Variants in DENND2A observed in about 807,000 individuals in gnomAD.
DENND2A encodes DENN domain containing 2A, also known as DENN domain-containing protein 2A.
Under a neutral mutation model 105.3 loss-of-function variants are expected in DENND2A, and 53 were observed. That is an observed-to-expected ratio of 0.50 (90% CI 0.40 to 0.63). The LOEUF (loss-of-function observed/expected upper bound fraction) is 0.63. Among genes scored for constraint, DENND2A ranks in the 30% least tolerant of loss-of-function variants. The pLI, the probability that DENND2A is intolerant of heterozygous loss-of-function variation, is 0.00. For synonymous variants in DENND2A, 522 were observed against 508.4 expected (o/e 1.03, Z -0.36); for missense variants, 1,138 against 1,279.6 (o/e 0.89, Z 1.69).
At chr7:140,595,209 G>A (rs1245905107) in intron 3 of DENND2A, among the ~76,000 whole-genome samples, 3 of 151,326 alleles carry the variant, frequency 2.0e-5, no homozygotes, top group African/African-American at 7.3e-5. Flanking sequence ...GTTTCCCCAT[G>A]TTAGCCAGGC....
At chr7:140,625,901 T>G (rs1018197620) in intron 1 of DENND2A, among the ~76,000 whole-genome samples, 1 of 152,204 alleles carries the variant, frequency 6.6e-6, no homozygotes, top group Non-Finnish European at 1.5e-5. Context: ...TTTTGACACC[T>G]CAAATTAAGC....
At chr7:140,578,702 G>A (rs1798408795) in intron 5 of DENND2A, among the ~76,000 whole-genome samples, 3 of 151,948 alleles carry the variant, frequency 2.0e-5, no homozygotes, top group Non-Finnish European at 4.4e-5. Context: ...CCAACACGGC[G>A]AAACCCCGTC....
At chr7:140,594,687 G>A (rs74558397) in intron 3 of DENND2A, among the ~76,000 whole-genome samples, 306 of 152,260 alleles carry the variant, frequency 2.0e-3, no homozygotes, top group East Asian at 0.011. Context: ...CGATAGGTGC[G>A]TGGTAAATAT....
upstream of DENND2A, chr7:140,640,821 G>A (rs1008420053): frequency 2.5e-4 from 38 of 151,646 alleles, no homozygotes; most frequent in Non-Finnish European, 5.3e-4. This position sits in a 1 kb window ranked among gnomAD's most constrained non-coding sequence, Gnocchi z 4.9. Flanking sequence ...TGCGCGACGC[G>A]CGCCCCCTCC....
chr7:140,581,277 A>T (rs1798530547), intron 5 of DENND2A, among the ~76,000 whole-genome samples: 3 of 152,120 alleles, frequency 2.0e-5, no homozygotes, highest in Non-Finnish European at 4.4e-5. Flanking sequence ...AGAAAAGAAA[A>T]GAAACGGTGG....
chr7:140,633,644 CTT>C (rs1800815902), intron 1 of DENND2A, among the ~76,000 whole-genome samples: 1 of 152,154 alleles, frequency 6.6e-6, no homozygotes, highest in South Asian at 2.1e-4. Context: ...TAGGTTGGCT[CTT>C]TTGTGTCACT....
At chr7:140,638,182 GCTTT>G (rs1208891015) in intron 1 of DENND2A, among the ~76,000 whole-genome samples, 1 of 152,052 alleles carries the variant, frequency 6.6e-6, no homozygotes, top group African/African-American at 2.4e-5. Context: ...TAATTTGTAG[GCTTT>G]CTGTTGTCCA....
chr7:140,623,184 G>C (rs969478147), intron 1 of DENND2A, among the ~76,000 whole-genome samples: 1 of 151,286 alleles, frequency 6.6e-6, no homozygotes, highest in Non-Finnish European at 1.5e-5. Flanking sequence ...GTGTGGTGGC[G>C]GGTGCCTACA....
Position 140,601,939 on chromosome 7 carries a change from C to T in DENND2A, c.459G>A (p.Gln153=). The T allele has an allele frequency of 6.2e-7, 1 of 1,614,202 alleles. No individual in the cohort carries two copies. Among genetic ancestry groups the T allele is most frequent in the Non-Finnish European group, 8.5e-7 (1 of 1,180,034 alleles). ...REPRLGKLRF[Q]NDPLSVLKQV... ...GCTTCAGCACGGAGAGGGGATCGTT[C>T]TGAAAGCGTAGCTTGCCAAGTCTTG... is the stretch of plus-strand genomic sequence containing the variant. The change falls in exon 3 of 20, where the codon CAG becomes CAA. Residue 153 remains glutamine (Q), a synonymous_variant. Transcript: ENST00000496613.
chr7:140,586,194 C>A (rs895057192), intron 4 of DENND2A, among the ~76,000 whole-genome samples: 4 of 151,776 alleles, frequency 2.6e-5, no homozygotes, highest in African/African-American at 9.7e-5. Flanking sequence ...GGGAAGCCTG[C>A]TGAGAATAAA....
In DENND2A at chr7:140,527,645, G is replaced by A. The variant is rs368209592; in HGVS notation, c.2328-150C>T. ...TGGAGCACATGATGGTCTCAGCACAGGCCACACCAGGCACTTAGAGCCTAT... is the reference window on the plus strand; with the variant it reads ...TGGAGCACATGATGGTCTCAGCACAAGCCACACCAGGCACTTAGAGCCTAT... On this transcript the variant is annotated intron_variant, in intron 14 of 19. Transcript: ENST00000496613. This position sits in a 1 kb window ranked among gnomAD's most constrained non-coding sequence, Gnocchi z 4.9. 1.1e-4 allele frequency: 86 copies of A among 784,364 alleles called. 1 individual carries two copies. In the African/African-American group the frequency reaches 1.2e-3, roughly 11 times the overall value. 48.6% of individuals were successfully genotyped at this position (784,364 alleles called of 1,614,324 possible).
At chr7:140,541,408 T>C (rs936916769) in intron 14 of DENND2A, among the ~76,000 whole-genome samples, 2 of 152,092 alleles carry the variant, frequency 1.3e-5, no homozygotes, top group Admixed American at 6.6e-5. Flanking sequence ...CCCGGGGGAC[T>C]CTGTCCCCAC....
At chr7:140,623,310 A>T (rs1415044274) in intron 1 of DENND2A, among the ~76,000 whole-genome samples, 1 of 135,058 alleles carries the variant, frequency 7.4e-6, no homozygotes, top group African/African-American at 3.0e-5. Flanking sequence ...GCGAGGCTCT[A>T]TCTCCAAAAA....
intron 17 of DENND2A, among the ~76,000 whole-genome samples, chr7:140,522,956 C>T (rs1585543791): frequency 2.6e-5 from 4 of 151,898 alleles, no homozygotes; most frequent in South Asian, 2.1e-4. Context: ...CTCTGTTGCC[C>T]AGGCTGGAGT....
intron 14 of DENND2A, among the ~76,000 whole-genome samples, chr7:140,540,846 T>A (rs1796632160): frequency 6.6e-6 from 1 of 151,990 alleles, no homozygotes; most frequent in South Asian, 2.1e-4. Context: ...GCCTCCCGAG[T>A]AGCTGGGATT....
intron 1 of DENND2A, among the ~76,000 whole-genome samples, chr7:140,613,060 G>A (rs896591543): frequency 1.6e-4 from 24 of 151,630 alleles, no homozygotes; most frequent in African/African-American, 5.8e-4. Flanking sequence ...GTTGCAGTGA[G>A]CCAAGATCAA....
chr7:140,549,574 C>A (rs536807221), intron 12 of DENND2A, among the ~76,000 whole-genome samples: 6 of 152,210 alleles, frequency 3.9e-5, no homozygotes, highest in Admixed American at 2.6e-4. Flanking sequence ...CAATTAATAA[C>A]ATAAAATATA....
intron 1 of DENND2A, among the ~76,000 whole-genome samples, chr7:140,609,468 G>A (rs1183344016): frequency 2.0e-5 from 3 of 152,204 alleles, no homozygotes; most frequent in Middle Eastern, 3.4e-3. Flanking sequence ...AGCCGAGATC[G>A]CCCCACTGTA....
At chr7:140,544,855 C>A in intron 13 of DENND2A, 89 bp from the exon 14 acceptor site, 1 of 1,536,674 alleles carries the variant, frequency 6.5e-7, no homozygotes, top group Non-Finnish European at 8.8e-7. Flanking sequence ...GCTCTGAGGT[C>A]CTCATCAGGG....
Sources: allele counts gnomAD v4.1 joint callset (sites outside exome capture counted in the v4.1 genomes callset), GRCh38; gene constraint gnomAD v4.1.1; non-coding constraint Gnocchi (gnomAD v3.1); transcripts MANE v1.5; gene names NCBI Gene and HGNC (gene_info 2026-07-23, HGNC 2026-07-21).